MRTFB: variants seen among roughly 807,000 people sequenced by gnomAD.
MRTFB encodes myocardin-related transcription factor B.
A neutral mutation model predicts 104.2 loss-of-function variants in MRTFB; 29 were observed. The ratio of observed to expected loss-of-function variants is 0.28; its 90% confidence interval spans 0.21 to 0.38. The LOEUF is 0.38. Among genes scored for constraint, MRTFB ranks in the 10% least tolerant of loss-of-function variants. The pLI is 1.00. For synonymous variants in MRTFB, 535 were observed against 519.5 expected, an observed-to-expected ratio of 1.03 and a Z score of -0.41; for missense variants, 1,270 against 1,341.6, an observed-to-expected ratio of 0.95 and a Z score of 0.83.
At chr16:14,122,638 T>C (rs2142310025) in intron 2 of MRTFB, among the ~76,000 whole-genome samples, 1 of 152,360 alleles carries the variant, frequency 6.6e-6, no homozygotes, top group African/African-American at 2.4e-5. Flanking sequence ...GGCTGCATAG[T>C]ATTCCGTGGT....
At chr16:14,201,619 A>G (rs2040708727) in intron 3 of MRTFB, among the ~76,000 whole-genome samples, 1 of 152,216 alleles carries the variant, frequency 6.6e-6, no homozygotes, top group Non-Finnish European at 1.5e-5. Context: ...GAATCATCGT[A>G]GTTTAAGGAA....
the MRTFB span, among the ~76,000 whole-genome samples, chr16:14,013,757 T>C: frequency 2.6e-5 from 4 of 152,218 alleles, no homozygotes; most frequent in East Asian, 7.7e-4. Context: ...CAGGTCTCTG[T>C]AGTGTCCTTC....
intron 3 of MRTFB, among the ~76,000 whole-genome samples, chr16:14,181,445 G>C (rs1195400985): frequency 6.6e-6 from 1 of 150,708 alleles, no homozygotes; most frequent in Non-Finnish European, 1.5e-5. Context: ...GACTCAGCCT[G>C]TGTGAAGGAA....
At chr16:14,257,128 T>C (rs1364996089) in intron 15 of MRTFB, among the ~76,000 whole-genome samples, 2 of 152,222 alleles carry the variant, frequency 1.3e-5, no homozygotes, top group Non-Finnish European at 2.9e-5. Flanking sequence ...AGAAATCTTA[T>C]ACCATATACT....
At chr16:14,043,861 T>C in the MRTFB span, among the ~76,000 whole-genome samples, 1 of 152,192 alleles carries the variant, frequency 6.6e-6, no homozygotes, top group Non-Finnish European at 1.5e-5. Context: ...AGACGTAATC[T>C]TGCCTCTAAG....
At chr16:14,227,113 T>C (rs1465393391) in intron 8 of MRTFB, among the ~76,000 whole-genome samples, 2 of 152,186 alleles carry the variant, frequency 1.3e-5, no homozygotes, top group African/African-American at 2.4e-5. Context: ...GTTTGGATGT[T>C]TGTCTCCTTC....
At chr16:14,038,129 G>C in the MRTFB span, among the ~76,000 whole-genome samples, 8 of 152,154 alleles carry the variant, frequency 5.3e-5, no homozygotes, top group Non-Finnish European at 1.2e-4. Context: ...GGTATCAGCA[G>C]GGTTGGTTTC....
At chr16:14,198,153 G>A (rs2040522078) in intron 3 of MRTFB, among the ~76,000 whole-genome samples, 1 of 152,178 alleles carries the variant, frequency 6.6e-6, no homozygotes, top group African/African-American at 2.4e-5. Flanking sequence ...ATTGTAGTAT[G>A]AGTATTTAAT....
chr16:14,226,004 G>A (rs1256703381), intron 8 of MRTFB, among the ~76,000 whole-genome samples: 1 of 152,072 alleles, frequency 6.6e-6, no homozygotes, highest in Non-Finnish European at 1.5e-5. Context: ...TTTCAAGATG[G>A]CATCAGACAC....
At chr16:14,106,994 A>G (rs1280015839) in intron 2 of MRTFB, among the ~76,000 whole-genome samples, 1 of 152,232 alleles carries the variant, frequency 6.6e-6, no homozygotes, top group African/African-American at 2.4e-5. Flanking sequence ...CAGGAGGTCT[A>G]GGCGTAGGTT....
chr16:14,159,594 G>C (rs2038951066), intron 3 of MRTFB, among the ~76,000 whole-genome samples: 1 of 152,132 alleles, frequency 6.6e-6, no homozygotes, highest in Non-Finnish European at 1.5e-5. Flanking sequence ...TTTATTACAT[G>C]ATCTTTGTAA....
At chr16:14,038,999 G>C in the MRTFB span, among the ~76,000 whole-genome samples, 1 of 152,188 alleles carries the variant, frequency 6.6e-6, no homozygotes, top group Non-Finnish European at 1.5e-5. Context: ...CACGAGAACA[G>C]TATGGGGGAA....
chr16:14,064,239 A>G, the MRTFB span, among the ~76,000 whole-genome samples: 96 of 152,138 alleles, frequency 6.3e-4, no homozygotes, highest in African/African-American at 2.2e-3. Context: ...GAGGTTGAGC[A>G]TTTTTTCGTA....
intron 2 of MRTFB, among the ~76,000 whole-genome samples, chr16:14,107,877 G>T (rs1001644667): frequency 6.6e-6 from 1 of 152,230 alleles, no homozygotes; most frequent in East Asian, 1.9e-4. Flanking sequence ...TAGAAGACAT[G>T]CCTGCCTTTG....
At chr16:14,022,071 G>A in the MRTFB span, among the ~76,000 whole-genome samples, 1 of 151,750 alleles carries the variant, frequency 6.6e-6, no homozygotes, top group Non-Finnish European at 1.5e-5. Context: ...GATTATGTTG[G>A]GCCCACCAAA....
intron 2 of MRTFB, among the ~76,000 whole-genome samples, chr16:14,139,496 G>T (rs1380980335): frequency 1.2e-4 from 18 of 152,160 alleles, no homozygotes; most frequent in Admixed American, 1.2e-3. Flanking sequence ...AAAACAGTTT[G>T]TCAGTTTCTT....
At chr16:14,178,531 A>G (rs13380751) in intron 3 of MRTFB, among the ~76,000 whole-genome samples, 17,204 of 152,202 alleles carry the variant, frequency 0.11, 2,226 homozygotes, top group African/African-American at 0.32. Context: ...AGATAGTAAA[A>G]TAGGACACTC....
At chr16:14,185,482 A>G (rs1280405427) in intron 3 of MRTFB, among the ~76,000 whole-genome samples, 1 of 152,220 alleles carries the variant, frequency 6.6e-6, no homozygotes, top group Non-Finnish European at 1.5e-5. Context: ...TGCTTCCTTT[A>G]GAGAACTTAT....
upstream of MRTFB, among the ~76,000 whole-genome samples, chr16:14,068,455 T>A (rs111957247): frequency 0.023 from 3,435 of 152,258 alleles, 136 homozygotes; most frequent in African/African-American, 0.078. Context: ...TAAAGGCTTT[T>A]GAGGTAGGGA....
Sources: allele counts gnomAD v4.1 joint callset (sites outside exome capture counted in the v4.1 genomes callset), GRCh38; gene constraint gnomAD v4.1.1; transcripts MANE v1.5; gene names NCBI Gene and HGNC (gene_info 2026-07-23, HGNC 2026-07-21).